LARGE1: variants seen among roughly 807,000 people sequenced by gnomAD.
LARGE1 encodes xylosyl- and glucuronyltransferase LARGE1.
LARGE1 carries 43 observed loss-of-function variants against 87.6 expected under a neutral mutation model. That is an observed-to-expected ratio of 0.49 (90% CI 0.38 to 0.63). The LOEUF (loss-of-function observed/expected upper bound fraction) is 0.63. Among genes scored for constraint, LARGE1 ranks in the 30% least tolerant of loss-of-function variants. LARGE1 has a pLI of 0.00. For synonymous variants in LARGE1, 434 were observed against 394.6 expected (o/e 1.10, Z -1.18); for missense variants, 802 against 1,000.2 (o/e 0.80, Z 2.67).
At chr22:33,198,355 C>A (rs79095524) in intron 11 of LARGE1, among the ~76,000 whole-genome samples, 4,586 of 152,106 alleles carry the variant, frequency 0.03, 96 homozygotes, top group Admixed American at 0.056. Context: ...GAGTCTCACT[C>A]TGCCACCTGG....
intron 11 of LARGE1, among the ~76,000 whole-genome samples, chr22:33,226,112 T>A (rs1352649996): frequency 6.6e-6 from 1 of 152,254 alleles, no homozygotes; most frequent in Admixed American, 6.5e-5. Flanking sequence ...GTTCTGTTTT[T>A]AGTTCTTTGA....
chr22:33,142,169 C>T, the LARGE1 span, among the ~76,000 whole-genome samples: 1 of 152,224 alleles, frequency 6.6e-6, no homozygotes, highest in African/African-American at 2.4e-5. Flanking sequence ...CAATGTTCAG[C>T]TCTGTCTGCC....
chr22:33,457,162 C>T (rs1446352331), intron 6 of LARGE1, among the ~76,000 whole-genome samples: 1 of 152,124 alleles, frequency 6.6e-6, no homozygotes, highest in African/African-American at 2.4e-5. Flanking sequence ...CTTACTCTGT[C>T]ACCCAGGGTG....
intron 11 of LARGE1, among the ~76,000 whole-genome samples, chr22:33,200,578 G>C (rs114949711): frequency 6.6e-6 from 1 of 151,316 alleles, no homozygotes; most frequent in African/African-American, 2.5e-5. Context: ...AGTCAAAAAG[G>C]AGAAAAAACT....
intron 1 of LARGE1, among the ~76,000 whole-genome samples, chr22:33,826,057 C>T (rs2062773603): frequency 6.6e-6 from 1 of 152,144 alleles, no homozygotes; most frequent in Admixed American, 6.6e-5. Context: ...GTGTTCACTT[C>T]TGTCTTTTTT....
At chr22:33,482,260 C>T (rs1002256117) in intron 6 of LARGE1, among the ~76,000 whole-genome samples, 1 of 152,150 alleles carries the variant, frequency 6.6e-6, no homozygotes, top group South Asian at 2.1e-4. Flanking sequence ...TGCAATGGGT[C>T]GGTGATGGCT....
chr22:33,194,313 A>G (rs1923953192), intron 11 of LARGE1, among the ~76,000 whole-genome samples: 1 of 152,176 alleles, frequency 6.6e-6, no homozygotes, highest in Non-Finnish European at 1.5e-5. Flanking sequence ...GGCTTATTTT[A>G]TTGCAATCGT....
At chr22:33,919,928 G>A (rs1443276029) in intron 1 of LARGE1, 67 bp downstream of exon 1, 2 of 152,302 alleles carry the variant, frequency 1.3e-5, no homozygotes, top group African/African-American at 2.4e-5. Flanking sequence ...CCACAGGTTC[G>A]GAGAACTTGT....
At chr22:33,294,566 G>A (rs1325041120) in intron 12 of LARGE1, among the ~76,000 whole-genome samples, 2 of 152,094 alleles carry the variant, frequency 1.3e-5, no homozygotes, top group Non-Finnish European at 2.9e-5. Context: ...TAGAAAAACC[G>A]GCCTCCCCGT....
At chr22:33,358,296 CAACT>C (rs1007031310) in intron 9 of LARGE1, among the ~76,000 whole-genome samples, 2 of 35,406 alleles carry the variant, frequency 5.6e-5, no homozygotes, top group Non-Finnish European at 1.4e-4. Context: ...CCCCCAAAAC[CAACT>C]GTTTTTTTTT....
chr22:33,881,544 T>C (rs1002102686), intron 1 of LARGE1, among the ~76,000 whole-genome samples: 9 of 152,240 alleles, frequency 5.9e-5, no homozygotes, highest in African/African-American at 2.2e-4. Flanking sequence ...GGCAGAGTCT[T>C]ACAAAAATAT....
intron 2 of LARGE1, among the ~76,000 whole-genome samples, chr22:33,668,322 G>A (rs975466039): frequency 5.3e-5 from 8 of 152,172 alleles, no homozygotes; most frequent in African/African-American, 1.9e-4. Context: ...AGAGGGAATG[G>A]AGGAATCCTT....
chr22:33,098,593 C>T, the LARGE1 span, among the ~76,000 whole-genome samples: 1 of 152,138 alleles, frequency 6.6e-6, no homozygotes, highest in Non-Finnish European at 1.5e-5. Context: ...TGCACTCCAG[C>T]CTGGGCTACA....
At chr22:33,616,366 T>A (rs943738722) in intron 4 of LARGE1, among the ~76,000 whole-genome samples, 10 of 151,684 alleles carry the variant, frequency 6.6e-5, no homozygotes, top group Admixed American at 4.6e-4. Flanking sequence ...AATAAGAAAA[T>A]TTAAAAAATT....
intron 2 of LARGE1, among the ~76,000 whole-genome samples, chr22:33,683,568 AACAG>A (rs895169204): frequency 1.5e-4 from 22 of 150,926 alleles, no homozygotes; most frequent in South Asian, 8.3e-4. Context: ...AGGACGGACA[AACAG>A]ACAGACAGAT....
At chr22:33,613,823 C>T (rs1280136653) in intron 4 of LARGE1, among the ~76,000 whole-genome samples, 1 of 152,204 alleles carries the variant, frequency 6.6e-6, no homozygotes, top group Non-Finnish European at 1.5e-5. Context: ...GTTTATTCTG[C>T]AGGACTGCAT....
chr22:33,782,679 A>T (rs2085460441), intron 1 of LARGE1, among the ~76,000 whole-genome samples: 1 of 152,076 alleles, frequency 6.6e-6, no homozygotes, highest in Admixed American at 6.5e-5. Context: ...ATCCTGGCCA[A>T]CATGGTGAAA....
rs77019743 is a variant in LARGE1, at chr22:33,567,234, T to A, written c.616-2215A>T. ...AAAATGTGGTTACTTAGTTTTTTTT[T>A]AAGAGTAGTTGCTCATTTTTAAAAG... is the stretch of plus-strand genomic sequence containing the variant. On this transcript the variant is annotated intron_variant, in intron 5 of 14. Transcript: ENST00000397394. Among the ~76,000 whole-genome samples the A allele has an allele frequency of 7.2e-5, 11 of 152,320 alleles. 1 individual carries two copies. The East Asian group carries it at 9.6e-4, about 13-fold the overall frequency.
rs888199993 is a variant in LARGE1, at chr22:33,580,448, T to C, written c.616-15429A>G. On this transcript the variant is annotated intron_variant, in intron 5 of 14. Coordinates refer to ENST00000397394, the MANE Select transcript of LARGE1 (RefSeq NM_133642.5). ...GAAAATGGGATGATGTACAGGAAAA[T>C]ACCCAGCAGAGGACCTTACAGAATC... is the stretch of plus-strand genomic sequence containing the variant. Among the ~76,000 whole-genome samples, 8 of 151,040 alleles carry C rather than the reference T, an allele frequency of 5.3e-5. No individual in the cohort carries two copies. The East Asian group carries it at 5.8e-4, about 11-fold the overall frequency.
Sources: allele counts gnomAD v4.1 joint callset (sites outside exome capture counted in the v4.1 genomes callset), GRCh38; gene constraint gnomAD v4.1.1; transcripts MANE v1.5; gene names NCBI Gene and HGNC (gene_info 2026-07-23, HGNC 2026-07-21).